Variants in EXOC4 observed in about 807,000 individuals in gnomAD.
EXOC4 encodes the protein SEC8-like 1.
Under a neutral mutation model 107.2 loss-of-function variants are expected in EXOC4, and 71 were observed. That is an observed-to-expected ratio of 0.66 (90% CI 0.55 to 0.81). The LOEUF (loss-of-function observed/expected upper bound fraction) is 0.81, where lower values mean the gene tolerates loss of function less well. EXOC4 is among the 30% of genes least tolerant of loss of function. The probability of loss-of-function intolerance (pLI) is 0.00; values close to 1 mark genes in which losing one functional copy is unlikely to be tolerated. For synonymous variants in EXOC4, 456 were observed against 441.2 expected, an observed-to-expected ratio of 1.03 and a Z score of -0.42; for missense variants, 1,108 against 1,189.6, an observed-to-expected ratio of 0.93 and a Z score of 1.01.
At chr7:133,288,832 C>CAGT (rs1333304162) in intron 2 of EXOC4, 90 bp from the exon 3 acceptor site, 1 of 1,030,736 alleles carries the variant, frequency 9.7e-7, no homozygotes, top group Non-Finnish European at 1.5e-6. Flanking sequence ...CTGCTGCATA[C>CAGT]AGTAGTACCA....
chr7:133,791,095 A>G (rs531481071), intron 10 of EXOC4, among the ~76,000 whole-genome samples: 3 of 152,322 alleles, frequency 2.0e-5, no homozygotes, highest in African/African-American at 7.2e-5. Flanking sequence ...TTAGGGACTG[A>G]TATTGAACAA....
the EXOC4 span, among the ~76,000 whole-genome samples, chr7:134,080,659 A>G: frequency 6.6e-6 from 1 of 152,002 alleles, no homozygotes; most frequent in Non-Finnish European, 1.5e-5. Flanking sequence ...TAAAAGAACA[A>G]TGGCCAGGTG....
intron 9 of EXOC4, among the ~76,000 whole-genome samples, chr7:133,564,171 T>C (rs771965726): frequency 2.4e-4 from 37 of 152,330 alleles, no homozygotes; most frequent in Non-Finnish European, 5.0e-4. Flanking sequence ...CTCACGGTTC[T>C]GCAGGCTGTA....
At chr7:133,578,681 CA>C (rs1801186254) in intron 9 of EXOC4, among the ~76,000 whole-genome samples, 1 of 152,106 alleles carries the variant, frequency 6.6e-6, no homozygotes. Flanking sequence ...TTTTATAAAA[CA>C]GTTGGCATAG....
At chr7:134,065,951 G>A (rs1796169292), downstream of EXOC4, 1 of 152,330 alleles carries the variant, frequency 6.6e-6, no homozygotes, top group African/African-American at 2.4e-5. Flanking sequence ...TCAGAATCAG[G>A]TCAGGCAGTG....
chr7:133,702,303 C>T (rs934480612), intron 10 of EXOC4, among the ~76,000 whole-genome samples: 2 of 150,936 alleles, frequency 1.3e-5, no homozygotes, highest in African/African-American at 4.9e-5. Context: ...CCAGCTTTGT[C>T]GCCACCAACG....
At chr7:133,847,875 ATTTTTTTTTTTTT>A (rs55923568) in intron 11 of EXOC4, among the ~76,000 whole-genome samples, 3 of 85,058 alleles carry the variant, frequency 3.5e-5, no homozygotes, top group Non-Finnish European at 6.6e-5. Context: ...TGCCCAGCTA[ATTTTTTTTTTTTT>A]TTTTTTTTTT....
intron 10 of EXOC4, 67 bp from the exon 11 acceptor site, chr7:133,817,258 C>A: frequency 9.1e-7 from 1 of 1,101,660 alleles, no homozygotes; most frequent in Non-Finnish European, 1.4e-6. Context: ...ATACTCATGT[C>A]CTCATGTCGT....
chr7:133,998,891 C>T (rs1033460481), intron 15 of EXOC4, among the ~76,000 whole-genome samples: 1 of 152,038 alleles, frequency 6.6e-6, no homozygotes, highest in Admixed American at 6.6e-5. Flanking sequence ...GGGACATATG[C>T]TGAAGGTAGA....
intron 5 of EXOC4, among the ~76,000 whole-genome samples, chr7:133,334,152 A>G (rs925798109): frequency 6.6e-6 from 1 of 152,176 alleles, no homozygotes; most frequent in African/African-American, 2.4e-5. Context: ...GTGGGGGTAC[A>G]TCGGAAGCAT....
intron 9 of EXOC4, among the ~76,000 whole-genome samples, chr7:133,591,372 A>G (rs899385738): frequency 8.5e-5 from 13 of 152,108 alleles, no homozygotes; most frequent in Non-Finnish European, 1.8e-4. Flanking sequence ...CTCAATTTTA[A>G]CAGAATTCAT....
chr7:134,009,872 G>C (rs1450143508), intron 17 of EXOC4: 1 of 152,106 alleles, frequency 6.6e-6, no homozygotes, highest in African/African-American at 2.4e-5. Flanking sequence ...TCTGAATAAT[G>C]CAATGCTGAC....
At chr7:133,578,118 A>G (rs1310407366) in intron 9 of EXOC4, among the ~76,000 whole-genome samples, 1 of 152,140 alleles carries the variant, frequency 6.6e-6, no homozygotes, top group East Asian at 1.9e-4. Flanking sequence ...ATTTGTTGAA[A>G]TTGTTGTATT....
chr7:134,019,855 C>T (rs1443721468), intron 17 of EXOC4, among the ~76,000 whole-genome samples: 1 of 152,144 alleles, frequency 6.6e-6, no homozygotes, highest in East Asian at 1.9e-4. Context: ...TTGATTTCCA[C>T]TGAGCTCTGA....
intron 11 of EXOC4, among the ~76,000 whole-genome samples, chr7:133,855,079 C>CTAAATATATATAAATATATATA (rs1156593308): frequency 5.9e-4 from 26 of 43,724 alleles, no homozygotes; most frequent in Non-Finnish European, 1.0e-3. Context: ...CTAAATATAT[C>CTAAATATATATAAATATATATA]TAAATATATA....
intron 10 of EXOC4, among the ~76,000 whole-genome samples, chr7:133,806,545 C>T (rs773306839): frequency 1.3e-5 from 2 of 152,154 alleles, no homozygotes; most frequent in Non-Finnish European, 2.9e-5. Flanking sequence ...ATGGTCCTCT[C>T]CATCCACACA....
chr7:133,997,720 A>G, intron 15 of EXOC4, 87 bp downstream of exon 15: 1 of 1,439,786 alleles, frequency 6.9e-7, no homozygotes, highest in East Asian at 2.5e-5. Context: ...GTATCACCAT[A>G]ATTTCTGGCT....
rs780319592 is a variant in EXOC4 at position 133,516,758 on chromosome 7, A to ATTTT, written c.1417+36631_1417+36634dup. On this transcript the variant is annotated intron_variant, in intron 9 of 17. Transcript: ENST00000253861. ...TGGGAAACTGCCAAACTAGCTGCTC[A>ATTTT]TTTTTTTTTTTTTTACAGAATTTAT... Among the ~76,000 whole-genome samples, 105 of 49,048 alleles carry ATTTT rather than the reference A, an allele frequency of 2.1e-3. 13 individuals are homozygous for ATTTT. Among genetic ancestry groups the ATTTT allele is most frequent in the East Asian group, 7.4e-3 (11 of 1,478 alleles). 32.2% of individuals were successfully genotyped at this position (49,048 alleles called of 152,430 possible). A position where few individuals can be genotyped will look rare whatever the true frequency, so the allele number is the denominator to read the frequency against.
chr7:133,917,639 A>G lies in EXOC4; in HGVS notation c.1928A>G (p.Asp643Gly). ...ATCAGTGCATCCTGGGCAAAAGATG[A>G]TGATATCAGCAGACTCTTGAAATCT... ...LVISASWAKD[D>G]DISRLLKSLP... Residue 643 changes from aspartate (D) to glycine (G), a missense_variant, in exon 13 of 18, where the codon GAT becomes GGT. By Grantham distance (94) the Asp-to-Gly change is moderately conservative. Coordinates refer to ENST00000253861, the MANE Select transcript of EXOC4 (RefSeq NM_021807.4). 1.2e-6 allele frequency: 2 copies of G among 1,614,118 alleles called. No individual in the cohort carries two copies. Among genetic ancestry groups the G allele is most frequent in the Admixed American group, 1.7e-5 (1 of 60,026 alleles).
Sources: allele counts gnomAD v4.1 joint callset (sites outside exome capture counted in the v4.1 genomes callset), GRCh38; gene constraint gnomAD v4.1.1; transcripts MANE v1.5; gene names NCBI Gene and HGNC (gene_info 2026-07-23, HGNC 2026-07-21).